EPHB1: variants seen among roughly 807,000 people sequenced by gnomAD.
EPHB1 encodes EPH receptor B1, also known as ephrin type-B receptor 1.
A neutral mutation model predicts 94.4 loss-of-function variants in EPHB1; 30 were observed. The ratio of observed to expected loss-of-function variants is 0.32; its 90% confidence interval spans 0.24 to 0.43. The LOEUF (loss-of-function observed/expected upper bound fraction) is 0.43. Among genes scored for constraint, EPHB1 ranks in the 20% least tolerant of loss-of-function variants. The pLI is 1.00. For synonymous variants in EPHB1, 522 were observed against 489.1 expected (o/e 1.07, Z -0.89); for missense variants, 1,055 against 1,308.3 (o/e 0.81, Z 2.99).
intron 3 of EPHB1, among the ~76,000 whole-genome samples, chr3:135,092,663 T>C (rs115081008): frequency 0.071 from 10,360 of 146,638 alleles, 416 homozygotes; most frequent in African/African-American, 0.11. Flanking sequence ...AGTCTCTCTG[T>C]CACCCTGGCT....
At chr3:135,154,944 G>C (rs1426171355) in intron 6 of EPHB1, among the ~76,000 whole-genome samples, 1 of 152,126 alleles carries the variant, frequency 6.6e-6, no homozygotes, top group East Asian at 1.9e-4. Context: ...AAAATCTTAG[G>C]AAAATACAGT....
intron 10 of EPHB1, among the ~76,000 whole-genome samples, chr3:135,183,330 C>T (rs1162916855): frequency 6.6e-6 from 1 of 150,850 alleles, no homozygotes; most frequent in African/African-American, 2.4e-5. Context: ...AGCACACCCC[C>T]ACCCTCCAGA....
intron 15 of EPHB1, among the ~76,000 whole-genome samples, chr3:135,258,189 T>G (rs1933497157): frequency 6.6e-6 from 1 of 152,224 alleles, no homozygotes; most frequent in African/African-American, 2.4e-5. Context: ...CGCTGGGAGC[T>G]GTAGACTGGA....
intron 3 of EPHB1, among the ~76,000 whole-genome samples, chr3:134,956,719 T>C (rs1225040392): frequency 6.6e-6 from 1 of 152,190 alleles, no homozygotes; most frequent in Non-Finnish European, 1.5e-5. Flanking sequence ...TCTCAAAGTG[T>C]GTGAAAATGG....
Position 134,856,241 on chromosome 3 carries a change from G to C in EPHB1, c.58+60552G>C, listed in dbSNP as rs142117487. Reference sequence around the variant, plus strand: ...GGGCACGGGTGTGTGGAGAACACCAGCAGACAGGACCAGGCCTGGAAAGGG... The same window carrying C: ...GGGCACGGGTGTGTGGAGAACACCACCAGACAGGACCAGGCCTGGAAAGGG... On this transcript the variant is annotated intron_variant, in intron 1 of 15. Transcript: ENST00000398015. Among the ~76,000 whole-genome samples the C allele has an allele frequency of 2.1e-3, 318 of 152,306 alleles. 2 individuals carry two copies. Among genetic ancestry groups the C allele is most frequent in the Middle Eastern group, 0.014 (4 of 294 alleles).
At chr3:134,845,563 A>T (rs6797336) in intron 1 of EPHB1, among the ~76,000 whole-genome samples, 23,435 of 152,118 alleles carry the variant, frequency 0.15, 2,319 homozygotes, top group African/African-American at 0.29. Flanking sequence ...TCTGCTGTCC[A>T]TGCCTCTTTG....
intron 3 of EPHB1, among the ~76,000 whole-genome samples, chr3:135,003,484 G>A (rs1328779845): frequency 6.8e-6 from 1 of 148,128 alleles, no homozygotes; most frequent in East Asian, 2.0e-4. Context: ...TCTGCTTGGT[G>A]CAGAGCTGAG....
chr3:135,128,976 T>G (rs1355075238), intron 4 of EPHB1, among the ~76,000 whole-genome samples: 3 of 152,042 alleles, frequency 2.0e-5, no homozygotes, highest in Non-Finnish European at 4.4e-5. Context: ...GCCCTCTGAG[T>G]CCATTCTCCA....
chr3:135,183,872 A>G (rs1425697420), intron 10 of EPHB1, among the ~76,000 whole-genome samples: 2 of 152,230 alleles, frequency 1.3e-5, no homozygotes, highest in African/African-American at 4.8e-5. Flanking sequence ...ATTTTATCCC[A>G]TAGAAAATAG....
chr3:135,174,518 C>T (rs1321261956), intron 9 of EPHB1, among the ~76,000 whole-genome samples: 1 of 152,198 alleles, frequency 6.6e-6, no homozygotes, highest in Non-Finnish European at 1.5e-5. Context: ...CAACCCATTT[C>T]CAGATGTGGG....
chr3:134,988,082 T>C (rs979498744), intron 3 of EPHB1, among the ~76,000 whole-genome samples: 3 of 152,192 alleles, frequency 2.0e-5, no homozygotes, highest in African/African-American at 4.8e-5. Context: ...ATCATGGAGC[T>C]TGGCCTTGTT....
intron 3 of EPHB1, among the ~76,000 whole-genome samples, chr3:134,957,097 G>A (rs1933306903): frequency 6.6e-6 from 1 of 152,160 alleles, no homozygotes; most frequent in East Asian, 1.9e-4. Context: ...AGTGGAGAGA[G>A]AAGACTCTCC....
At chr3:135,011,750 A>C (rs750136595) in intron 3 of EPHB1, among the ~76,000 whole-genome samples, 2 of 152,214 alleles carry the variant, frequency 1.3e-5, no homozygotes, top group Non-Finnish European at 2.9e-5. Context: ...ATTTGCCTTT[A>C]GAGAAACCCA....
rs1415322457 is a variant in EPHB1, at chr3:135,028,373, T to A, written c.805+76321T>A. 2.9e-5 allele frequency among the ~76,000 whole-genome samples: 4 copies of A among 139,776 alleles called. No homozygotes were observed. In the South Asian group the frequency reaches 9.6e-4, roughly 33 times the overall value. The allele number at this position is 139,776 out of a possible 152,430, so 91.7% of individuals were successfully genotyped here. On this transcript the variant is annotated intron_variant, in intron 3 of 15. Transcript: ENST00000398015. Reference sequence around the variant, plus strand: ...TCTTGTAGGCATTTAGTGCTATAAATTTCCCTCTACACACTGCTTTGAATG... The same window carrying A: ...TCTTGTAGGCATTTAGTGCTATAAAATTCCCTCTACACACTGCTTTGAATG...
chr3:135,052,783 C>G (rs984213482), intron 3 of EPHB1, among the ~76,000 whole-genome samples: 12 of 132,268 alleles, frequency 9.1e-5, no homozygotes, highest in African/African-American at 3.4e-4. Flanking sequence ...ATGGCGTGAA[C>G]CCGGGAGGCG....
Position 135,241,238 on chromosome 3 carries a change from G to A in EPHB1, c.2437G>A (p.Val813Ile), listed in dbSNP as rs1042786. Residue 813 changes from valine to isoleucine, a missense_variant, in exon 13 of 16, where the codon GTC becomes ATC. Transcript: ENST00000398015. The stretch of plus-strand genomic sequence containing the variant: ...CAGCGACGTTTGGAGCTATGGGATC[G>A]TCATGTGGGAAGTCATGTCATTTGG... ...SASDVWSYGI[V>I]MWEVMSFGER... 28 of 1,614,080 alleles carry A rather than the reference G, an allele frequency of 1.7e-5. No individual in the cohort carries two copies. The highest frequency in any genetic ancestry group is 2.1e-5 in the Non-Finnish European group (25 of 1,180,044).
rs1028450962 is a variant in EPHB1, at chr3:135,066,318, T to C, written c.806-40130T>C. 2.0e-5 allele frequency among the ~76,000 whole-genome samples: 3 copies of C among 152,350 alleles called. No individual in the cohort carries two copies. The South Asian group carries it at 6.2e-4, about 32-fold the overall frequency. On this transcript the variant is annotated intron_variant, in intron 3 of 15. Coordinates refer to ENST00000398015, the MANE Select transcript of EPHB1 (RefSeq NM_004441.5). ...TTTCCAAATGTTTAGATTCCTCTTC[T>C]TCCTCAGGAACACCAATTATTCTCA...
At chr3:135,236,843 T>C (rs542652418) in intron 12 of EPHB1, among the ~76,000 whole-genome samples, 32 of 152,328 alleles carry the variant, frequency 2.1e-4, no homozygotes, top group Middle Eastern at 3.4e-3. Context: ...CACATAGAAG[T>C]GCTACCCTCT....
intron 3 of EPHB1, among the ~76,000 whole-genome samples, chr3:135,001,111 C>G (rs1237112983): frequency 6.6e-6 from 1 of 152,182 alleles, no homozygotes; most frequent in Non-Finnish European, 1.5e-5. Context: ...AGTGCTGATC[C>G]TCCTTGGGGC....
Sources: gnomAD v4.1 joint callset for allele counts (sites outside exome capture counted in the v4.1 genomes callset) on GRCh38, gnomAD v4.1.1 for gene constraint, MANE v1.5 for transcripts, NCBI Gene and HGNC (gene_info 2026-07-23, HGNC 2026-07-21) for gene names.